RELCH: variants seen among roughly 807,000 people sequenced by gnomAD.
The protein encoded by RELCH is RAB11-binding protein RELCH.
RELCH carries 41 observed loss-of-function variants against 150.3 expected under a neutral mutation model. The observed-to-expected ratio is 0.27, with a 90% confidence interval of 0.21 to 0.35. RELCH has a LOEUF of 0.35. RELCH is among the 10% of genes least tolerant of loss of function. The pLI is 1.00. For missense variants in RELCH, 1,092 were observed against 1,467.8 expected (o/e 0.74, Z 4.18); for synonymous variants, 478 against 531.8 (o/e 0.90, Z 1.39).
At chr18:62,202,883 C>T (rs2039539705) in intron 1 of RELCH, among the ~76,000 whole-genome samples, 1 of 152,120 alleles carries the variant, frequency 6.6e-6, no homozygotes, top group Admixed American at 6.5e-5. Context: ...AGGAATAAAA[C>T]AATGAAGCCT....
Position 62,187,464 on chromosome 18 carries a change from C to G in RELCH, c.-42C>G. ...CTAGAGGATTCGGGCTGCGGCCCGT[C>G]GGAACCAGTCAGGGAGGCGCCCACA... On this transcript the variant is annotated 5_prime_UTR_variant, in exon 1 of 29. Coordinates refer to ENST00000644646, the MANE Select transcript of RELCH (RefSeq NM_001346231.2). 2 of 1,488,930 alleles carry G rather than the reference C, an allele frequency of 1.3e-6. No individual in the cohort carries two copies. The highest frequency in any genetic ancestry group is 1.8e-6 in the Non-Finnish European group (2 of 1,119,736). The allele number at this position is 1,488,930 out of a possible 1,614,324, so 92.2% of individuals were successfully genotyped here.
At position 62,261,493 on chromosome 18, in the gene RELCH, C is replaced by T. The variant is rs1200100076; in HGVS notation, c.2203-18C>T. On this transcript the variant is annotated intron_variant, in intron 15 of 28. Transcript: ENST00000644646. ...ACTTCAAAAGACTAAAATTAGCTTCCACCTCCTTATGTTTCAGGAAGGAGA... is the reference window on the plus strand; with the variant it reads ...ACTTCAAAAGACTAAAATTAGCTTCTACCTCCTTATGTTTCAGGAAGGAGA... The T allele has an allele frequency of 3.7e-6, 6 of 1,606,584 alleles. No homozygotes were observed. The highest frequency in any genetic ancestry group is 5.1e-6 in the Non-Finnish European group (6 of 1,175,772).
chr18:62,227,431 A>G lies in RELCH; in HGVS notation c.1001A>G (p.Glu334Gly). 6.2e-7 allele frequency: 1 copy of G among 1,613,396 alleles called. No individual in the cohort carries two copies. The highest frequency in any genetic ancestry group is 8.5e-7 in the Non-Finnish European group (1 of 1,179,620). The change falls in exon 6 of 29, where the codon GAG (glutamate) becomes GGG (glycine). Residue 334 changes from glutamate (E) to glycine (G), a missense_variant. Glu to Gly is a moderately conservative substitution (Grantham distance 98). Around this residue, in one of 4 missense-constraint regions of RELCH, gnomAD observed 57 missense variants for 41.5 expected, o/e 1.37. Coordinates refer to ENST00000644646, the MANE Select transcript of RELCH (RefSeq NM_001346231.2). ...AGTGGAGTAGAAGAAGATGAATTAG[A>G]GGCCCTTACACCAATTATAAGCAAC... is the stretch of plus-strand genomic sequence containing the variant. ...VASGVEEDEL[E>G]ALTPIISNLP...
intron 7 of RELCH, 76 bp from the exon 8 acceptor site, chr18:62,228,229 C>A (rs2041335172): frequency 2.7e-6 from 3 of 1,130,412 alleles, no homozygotes; most frequent in South Asian, 1.5e-5. Flanking sequence ...AAACATTAAA[C>A]CCATTATGAG....
rs200950948 is a variant in RELCH, at chr18:62,187,536, A to G, written c.31A>G (p.Ser11Gly). 3 of 1,514,628 alleles carry G rather than the reference A, an allele frequency of 2.0e-6. No individual in the cohort carries two copies. Among genetic ancestry groups the G allele is most frequent in the Non-Finnish European group, 2.7e-6 (3 of 1,131,238 alleles). The allele number at this position is 1,514,628 out of a possible 1,614,324, so 93.8% of individuals were successfully genotyped here. ...GGCGATGGCGCCTGGAGGTAGTGGC[A>G]GTGGTGGCGGCGTGAATCCATTTCT... MAAMAPGGSG[S>G]GGGVNPFLSD... The change falls in exon 1 of 29, where the codon AGT (serine) becomes GGT (glycine). Residue 11 changes from serine (S) to glycine (G), a missense_variant. Coordinates refer to ENST00000644646, the MANE Select transcript of RELCH (RefSeq NM_001346231.2).
rs2044561830 is a variant in RELCH at position 62,282,380 on chromosome 18, T to C, written c.3189T>C (p.His1063=). The stretch of plus-strand genomic sequence containing the variant: ...AGTATCAAGACCAACATTCTTTGCA[T>C]ACAGAGATCATAAAAACATTTGGTA... ...DPQYQDQHSL[H]TEIIKTFGRV... The change falls in exon 25 of 29, where the codon CAT becomes CAC. Residue 1063 remains histidine, a synonymous_variant. Transcript: ENST00000644646. 1.9e-6 allele frequency: 3 copies of C among 1,613,180 alleles called. No homozygotes were observed. The highest frequency in any genetic ancestry group is 1.7e-6 in the Non-Finnish European group (2 of 1,179,580).
intron 2 of RELCH, among the ~76,000 whole-genome samples, chr18:62,216,219 G>A (rs2040468401): frequency 6.6e-6 from 1 of 151,938 alleles, no homozygotes; most frequent in Non-Finnish European, 1.5e-5. Context: ...GGTACTATGT[G>A]TTAGGTTTCT....
At chr18:62,262,357 T>C (rs909912538) in intron 16 of RELCH, among the ~76,000 whole-genome samples, 3 of 152,068 alleles carry the variant, frequency 2.0e-5, no homozygotes, top group Non-Finnish European at 2.9e-5. Context: ...TGCAGCCTTT[T>C]CAGAGTTGTG....
rs2042774919 is a variant in RELCH, at chr18:62,252,570, CTA to C, written c.1734-92_1734-91del. 5 of 832,472 alleles carry C rather than the reference CTA, an allele frequency of 6.0e-6. No homozygotes were observed. In the Admixed American group the frequency reaches 6.3e-5, roughly 11 times the overall value. 51.6% of individuals were successfully genotyped at this position (832,472 alleles called of 1,614,324 possible). On this transcript the variant is annotated intron_variant, in intron 11 of 28. Transcript: ENST00000644646. ...TTTGATTGTATAAAAATCTTGTACT[CTA>C]TGTGAATTTATAGAGATGAGACTTT...
intron 27 of RELCH, among the ~76,000 whole-genome samples, chr18:62,298,152 G>T (rs572513715): frequency 6.7e-6 from 1 of 149,464 alleles, no homozygotes; most frequent in Admixed American, 6.7e-5. Context: ...TATTTTTTTA[G>T]GGACCTCCAT....
chr18:62,208,255 T>G (rs890954175), intron 1 of RELCH, among the ~76,000 whole-genome samples: 4 of 152,174 alleles, frequency 2.6e-5, no homozygotes, highest in Admixed American at 6.5e-5. Flanking sequence ...ATAAGAATTC[T>G]TTATATCATG....
At chr18:62,269,667 C>T (rs1464400309) in intron 20 of RELCH, among the ~76,000 whole-genome samples, 1 of 152,160 alleles carries the variant, frequency 6.6e-6, no homozygotes, top group East Asian at 1.9e-4. Flanking sequence ...CATTTATATG[C>T]TACCAATAAG....
At chr18:62,257,849 T>G in intron 13 of RELCH, 99 bp from the exon 14 acceptor site, 4 of 906,166 alleles carry the variant, frequency 4.4e-6, no homozygotes, top group Non-Finnish European at 6.5e-6. Context: ...TGTTAATACC[T>G]GTTTAATCTG....
At chr18:62,211,040 C>T in intron 1 of RELCH, 113 bp from the exon 2 acceptor site, 1 of 567,848 alleles carries the variant, frequency 1.8e-6, no homozygotes, top group South Asian at 2.6e-5. Context: ...TAAAAGAATT[C>T]CTGGATCTTA....
intron 1 of RELCH, among the ~76,000 whole-genome samples, chr18:62,198,640 A>G (rs2039213755): frequency 6.6e-6 from 1 of 152,152 alleles, no homozygotes; most frequent in African/African-American, 2.4e-5. Flanking sequence ...TTTTAGTCTT[A>G]TCCTATAGCT....
chr18:62,214,223 C>T (rs894762665), intron 2 of RELCH, among the ~76,000 whole-genome samples: 3 of 152,078 alleles, frequency 2.0e-5, no homozygotes, highest in Non-Finnish European at 2.9e-5. Flanking sequence ...GAATATCTTT[C>T]AGTCTTTTAG....
At chr18:62,206,579 A>G (rs954733369) in intron 1 of RELCH, among the ~76,000 whole-genome samples, 1 of 152,200 alleles carries the variant, frequency 6.6e-6, no homozygotes, top group African/African-American at 2.4e-5. Flanking sequence ...CAAATAATCC[A>G]TTTCCTTAGA....
Position 62,294,033 on chromosome 18 carries a change from T to A in RELCH, c.3459+2402T>A, listed in dbSNP as rs1050053829. On this transcript the variant is annotated intron_variant, in intron 27 of 28. Coordinates refer to ENST00000644646, the MANE Select transcript of RELCH (RefSeq NM_001346231.2). ...ATTTTGTTTATAAATTTCATTCTTA[T>A]TGATATTTGCAAAAGTAGTTATTTT... Among the ~76,000 whole-genome samples, 9 of 152,222 alleles carry A rather than the reference T, an allele frequency of 5.9e-5. No individual in the cohort carries two copies. In the South Asian group the frequency reaches 1.9e-3, roughly 32 times the overall value.
rs79659632 is a variant in RELCH at position 62,275,375 on chromosome 18, G to A, written c.2869G>A (p.Ala957Thr). Residue 957 changes from alanine (A) to threonine (T), a missense_variant and splice_region_variant, in exon 22 of 29, where the codon GCA (alanine) becomes ACA (threonine). Physicochemically the swap from Ala to Thr is moderately conservative, Grantham distance 58. Coordinates refer to ENST00000644646, the MANE Select transcript of RELCH (RefSeq NM_001346231.2). ...SLKASFVELG[A>T]NPAYHELLLT... The stretch of plus-strand genomic sequence containing the variant: ...ACTGTTTTTTTTTTTTTCTTCTAGT[G>A]CAAACCCAGCCTACCATGAGTTACT... The A allele has an allele frequency of 6.7e-7, 1 of 1,492,396 alleles. No homozygotes were observed. Among genetic ancestry groups the A allele is most frequent in the Non-Finnish European group, 9.0e-7 (1 of 1,116,866 alleles). 92.4% of individuals were successfully genotyped at this position (1,492,396 alleles called of 1,614,324 possible).
Sources: gnomAD v4.1 joint callset for allele counts (sites outside exome capture counted in the v4.1 genomes callset) on GRCh38, gnomAD v4.1.1 for gene constraint, gnomAD v4.1.1 regional missense constraint, MANE v1.5 for transcripts, NCBI Gene and HGNC (gene_info 2026-07-23, HGNC 2026-07-21) for gene names.